Variants in ADCY5 observed in about 807,000 individuals in gnomAD.
ADCY5 encodes the protein adenylate cyclase 5.
A neutral mutation model predicts 119.7 loss-of-function variants in ADCY5; 30 were observed. The ratio of observed to expected loss-of-function variants is 0.25; its 90% CI spans 0.19 to 0.34. ADCY5 has a LOEUF of 0.34. Ranked by LOEUF, ADCY5 falls within the 10% of genes least tolerant of loss-of-function variation. The probability of loss-of-function intolerance (pLI) is 1.00; values close to 1 mark genes in which losing one functional copy is unlikely to be tolerated. For missense variants in ADCY5, 1,324 were observed against 1,775.2 expected, an observed-to-expected ratio of 0.75 and a Z score of 4.57; for synonymous variants, 753 against 762.2, an observed-to-expected ratio of 0.99 and a Z score of 0.20.
chr3:123,367,834 G>A (rs1238952402), intron 1 of ADCY5: 4 of 1,517,016 alleles, frequency 2.6e-6, no homozygotes, highest in Non-Finnish European at 3.5e-6. Flanking sequence ...CTCATTTTAG[G>A]TCAGCAGAAT....
chr3:123,444,294 C>G (rs982731780), intron 1 of ADCY5, among the ~76,000 whole-genome samples: 4 of 152,090 alleles, frequency 2.6e-5, no homozygotes, highest in Non-Finnish European at 5.9e-5. Flanking sequence ...GACAGTGAGA[C>G]AAGAGCACAG....
intron 4 of ADCY5, among the ~76,000 whole-genome samples, chr3:123,332,252 T>A (rs2108409265): frequency 6.6e-6 from 1 of 152,330 alleles, no homozygotes; most frequent in African/African-American, 2.4e-5. Flanking sequence ...CCCTGGGGTT[T>A]GGGCAGTGTG....
At chr3:123,330,168 G>A (rs1208233526) in intron 5 of ADCY5, among the ~76,000 whole-genome samples, 2 of 152,320 alleles carry the variant, frequency 1.3e-5, no homozygotes, top group Admixed American at 6.5e-5. Context: ...GTAGAACTGA[G>A]CCAAACCAAC....
chr3:123,416,090 T>G, intron 1 of ADCY5: 181 of 1,395,578 alleles, frequency 1.3e-4, no homozygotes, highest in Non-Finnish European at 1.7e-4. Flanking sequence ...AGGCCCCAGG[T>G]GAGGTGTCCA....
intron 1 of ADCY5, among the ~76,000 whole-genome samples, chr3:123,371,784 C>G (rs890580797): frequency 2.6e-5 from 4 of 151,746 alleles, no homozygotes; most frequent in Non-Finnish European, 5.9e-5. Context: ...GATTGTCCCC[C>G]ACCCCCACCC....
rs1942863140 is a variant in ADCY5 at position 123,352,273 on chromosome 3, A to T, written c.1284+159T>A. On this transcript the variant is annotated intron_variant, in intron 2 of 20. Transcript: ENST00000462833. The surrounding 1 kb of genome is among the most constrained non-coding windows in gnomAD (Gnocchi z 4.8). ...CTTCCCACAGGGCCTGGAATGCTGG[A>T]CTCTCTCCAGGGGAAACATTCCCCA... is the stretch of plus-strand genomic sequence containing the variant. 6.6e-6 allele frequency among the ~76,000 whole-genome samples: 1 copy of T among 151,560 alleles called. No homozygotes were observed. Among genetic ancestry groups the T allele is most frequent in the Admixed American group, 6.6e-5 (1 of 15,212 alleles).
intron 1 of ADCY5, among the ~76,000 whole-genome samples, chr3:123,394,901 C>T (rs765506716): frequency 6.6e-6 from 1 of 152,170 alleles, no homozygotes; most frequent in African/African-American, 2.4e-5. Context: ...AGACTTCTAT[C>T]AGGAAGAATT....
chr3:123,289,027 A>G (rs1938963162), intron 19 of ADCY5, among the ~76,000 whole-genome samples: 1 of 152,188 alleles, frequency 6.6e-6, no homozygotes, highest in Non-Finnish European at 1.5e-5. Context: ...CAATAACCCC[A>G]CTGACCCATT....
At position 123,436,271 on chromosome 3, in the gene ADCY5, G is replaced by A. The variant is rs532128375; in HGVS notation, c.1134+11141C>T. ...ACCTGTAGTCCCAGCTACTCAGGAG[G>A]CTGAGGTGGGAGGATTGCTTGAGCC... On this transcript the variant is annotated intron_variant, in intron 1 of 20. Transcript: ENST00000462833. Among the ~76,000 whole-genome samples the A allele has an allele frequency of 4.6e-5, 7 of 152,108 alleles. No homozygotes were observed. In the South Asian group the frequency reaches 8.3e-4, roughly 18 times the overall value.
intron 1 of ADCY5, among the ~76,000 whole-genome samples, chr3:123,423,074 C>G (rs1387894694): frequency 6.6e-6 from 1 of 152,174 alleles, no homozygotes; most frequent in Non-Finnish European, 1.5e-5. Context: ...TGGCCCCGGG[C>G]TCAGGAGTGG....
chr3:123,330,196 T>C (rs1238295384), intron 5 of ADCY5, among the ~76,000 whole-genome samples: 3 of 152,182 alleles, frequency 2.0e-5, no homozygotes, highest in African/African-American at 7.2e-5. Flanking sequence ...GCTGCCTTCC[T>C]GGCAGCCACT....
At chr3:123,377,664 T>C (rs936862170) in intron 1 of ADCY5, among the ~76,000 whole-genome samples, 1 of 152,180 alleles carries the variant, frequency 6.6e-6, no homozygotes, top group African/African-American at 2.4e-5. Context: ...GTTCCAAGCA[T>C]GGAGTGCTTT....
intron 1 of ADCY5, among the ~76,000 whole-genome samples, chr3:123,381,641 G>C (rs991992279): frequency 2.6e-5 from 4 of 152,176 alleles, no homozygotes; most frequent in African/African-American, 9.7e-5. Flanking sequence ...TTTTGTACAA[G>C]GGGTCCCATA....
At chr3:123,366,885 G>A (rs538477103) in intron 1 of ADCY5, among the ~76,000 whole-genome samples, 1 of 152,302 alleles carries the variant, frequency 6.6e-6, no homozygotes, top group East Asian at 1.9e-4. Flanking sequence ...TGCCACCTGG[G>A]ACAGTCCATG....
chr3:123,332,889 G>T (rs956515538), intron 3 of ADCY5, among the ~76,000 whole-genome samples: 1 of 151,836 alleles, frequency 6.6e-6, no homozygotes, highest in African/African-American at 2.4e-5. Flanking sequence ...CAAGTAGCTG[G>T]GACTACAAGA....
intron 12 of ADCY5, among the ~76,000 whole-genome samples, chr3:123,305,687 G>A (rs1940158346): frequency 6.6e-6 from 1 of 152,238 alleles, no homozygotes; most frequent in Admixed American, 6.5e-5. Context: ...TAGCTTGTAA[G>A]TAGACAGAGT....
At chr3:123,310,455 T>C (rs763147949) in intron 12 of ADCY5, among the ~76,000 whole-genome samples, 8 of 151,984 alleles carry the variant, frequency 5.3e-5, no homozygotes, top group Non-Finnish European at 8.8e-5. Flanking sequence ...CTGGAGGTGA[T>C]CAAGCAAAGC....
intron 12 of ADCY5, among the ~76,000 whole-genome samples, chr3:123,307,925 G>C (rs1940286158): frequency 6.6e-6 from 1 of 150,808 alleles, no homozygotes; most frequent in Admixed American, 6.6e-5. Context: ...AAAAAAATCA[G>C]TGTTAGATGT....
At chr3:123,437,045 A>C (rs9872683) in intron 1 of ADCY5, among the ~76,000 whole-genome samples, 74,741 of 151,874 alleles carry the variant, frequency 0.49, 19,285 homozygotes, top group Middle Eastern at 0.62. Flanking sequence ...GACCCCGGGA[A>C]ACATTAGGAG....
Sources: allele counts gnomAD v4.1 joint callset (sites outside exome capture counted in the v4.1 genomes callset), GRCh38; gene constraint gnomAD v4.1.1; non-coding constraint Gnocchi (gnomAD v3.1); transcripts MANE v1.5; gene names NCBI Gene and HGNC (gene_info 2026-07-23, HGNC 2026-07-21).